The following PTPRN2 variants were observed in gnomAD, a reference collection of about 807,000 sequenced individuals.
The protein encoded by PTPRN2 is protein tyrosine phosphatase receptor type N2.
In PTPRN2, 74 loss-of-function variants were observed where a neutral mutation model predicts 118.8. The ratio of observed to expected loss-of-function variants is 0.62; its 90% CI spans 0.52 to 0.76. PTPRN2 has a LOEUF of 0.76. Among genes scored for constraint, PTPRN2 ranks in the 30% least tolerant of loss-of-function variants. The pLI, the probability that PTPRN2 is intolerant of heterozygous loss-of-function variation, is 0.00. For synonymous variants in PTPRN2, 641 were observed against 608.0 expected, an observed-to-expected ratio of 1.05 and a Z score of -0.80; for missense variants, 1,481 against 1,394.4, an observed-to-expected ratio of 1.06 and a Z score of -0.99.
At chr7:158,478,851 A>G (rs1205073554) in intron 2 of PTPRN2, among the ~76,000 whole-genome samples, 1 of 152,226 alleles carries the variant, frequency 6.6e-6, no homozygotes, top group Non-Finnish European at 1.5e-5. Context: ...ACAGTCCAAG[A>G]AAAAGACAAA....
At chr7:158,134,591 AG>A (rs1475857917) in intron 8 of PTPRN2, among the ~76,000 whole-genome samples, 2 of 152,130 alleles carry the variant, frequency 1.3e-5, no homozygotes, top group Non-Finnish European at 2.9e-5. Context: ...AGTTCACAGA[AG>A]GGGAGACGGA....
chr7:158,228,452 A>T (rs961265505), intron 3 of PTPRN2, among the ~76,000 whole-genome samples: 4 of 152,134 alleles, frequency 2.6e-5, no homozygotes, highest in Admixed American at 2.6e-4. Flanking sequence ...GATACATTTC[A>T]TATTCCACTA....
At chr7:157,816,871 C>T (rs1336151457) in intron 12 of PTPRN2, among the ~76,000 whole-genome samples, 1 of 152,240 alleles carries the variant, frequency 6.6e-6, no homozygotes, top group Admixed American at 6.5e-5. Context: ...CTTTCTCCTC[C>T]TCTTTTCTCT....
chr7:158,329,687 A>C (rs1803980655), intron 2 of PTPRN2, among the ~76,000 whole-genome samples: 1 of 152,196 alleles, frequency 6.6e-6, no homozygotes, highest in Non-Finnish European at 1.5e-5. Context: ...TTCATGGACT[A>C]AGACACTGCG....
At position 157,929,745 on chromosome 7, in the gene PTPRN2, G is replaced by A. The variant is rs1486090049; in HGVS notation, c.1724-31008C>T. Reference sequence around the variant, plus strand: ...TCACAGGGGTGAGGAGCTCTGTGCTGCTGTTGAGATGAATGGTGCCAGAAG... The same window carrying A: ...TCACAGGGGTGAGGAGCTCTGTGCTACTGTTGAGATGAATGGTGCCAGAAG... On this transcript the variant is annotated intron_variant, in intron 11 of 22. Coordinates refer to ENST00000389418, the MANE Select transcript of PTPRN2 (RefSeq NM_002847.5). This position sits in a 1 kb window ranked among gnomAD's most constrained non-coding sequence, Gnocchi z 4.4. 1.3e-5 allele frequency among the ~76,000 whole-genome samples: 2 copies of A among 152,184 alleles called. No homozygotes were observed. The highest frequency in any genetic ancestry group is 1.9e-4 in the East Asian group (1 of 5,184).
At chr7:158,161,724 T>G in intron 6 of PTPRN2, among the ~76,000 whole-genome samples, 1 of 152,116 alleles carries the variant, frequency 6.6e-6, no homozygotes, top group East Asian at 1.9e-4. Flanking sequence ...ATAAAATAAT[T>G]GGTAAGCTGG....
At chr7:157,762,470 C>T (rs1315140064) in intron 12 of PTPRN2, among the ~76,000 whole-genome samples, 1 of 151,774 alleles carries the variant, frequency 6.6e-6, no homozygotes, top group East Asian at 1.9e-4. Flanking sequence ...TGGAAATCAT[C>T]ATTCTCAGTA....
chr7:158,521,613 A>G (rs796486114), intron 1 of PTPRN2, among the ~76,000 whole-genome samples: 6,229 of 44,588 alleles, frequency 0.14, 1,111 homozygotes, highest in Middle Eastern at 0.23. Context: ...CTGTCCAGGT[A>G]GTGGCTCAGG....
Position 157,833,561 on chromosome 7 carries a change from C to T in PTPRN2, c.1788+65112G>A, listed in dbSNP as rs147393773. Reference sequence around the variant, plus strand: ...AATTTGTCCAGGAGCGAGATGTGGCCGGTGCCCATCTATCCCATATGATTG... The same window carrying T: ...AATTTGTCCAGGAGCGAGATGTGGCTGGTGCCCATCTATCCCATATGATTG... On this transcript the variant is annotated intron_variant, in intron 12 of 22. Coordinates refer to ENST00000389418, the MANE Select transcript of PTPRN2 (RefSeq NM_002847.5). 2.4e-3 allele frequency among the ~76,000 whole-genome samples: 352 copies of T among 147,328 alleles called. 1 individual carries two copies. The highest frequency in any genetic ancestry group is 8.0e-3 in the African/African-American group (317 of 39,528).
intron 1 of PTPRN2, among the ~76,000 whole-genome samples, chr7:158,552,747 C>A (rs932540014): frequency 6.6e-6 from 1 of 152,150 alleles, no homozygotes; most frequent in Non-Finnish European, 1.5e-5. Flanking sequence ...GTGCATGGCC[C>A]GATACTTTCA....
chr7:158,137,819 C>A (rs1406212983), intron 7 of PTPRN2, among the ~76,000 whole-genome samples: 1 of 152,190 alleles, frequency 6.6e-6, no homozygotes, highest in Non-Finnish European at 1.5e-5. Flanking sequence ...CTGCAGAAGT[C>A]CTGGCTGACC....
intron 2 of PTPRN2, among the ~76,000 whole-genome samples, chr7:158,439,309 G>A (rs1489442591): frequency 6.6e-6 from 1 of 152,194 alleles, no homozygotes; most frequent in African/African-American, 2.4e-5. Flanking sequence ...AGGACTTCCT[G>A]AGGCTGTATC....
intron 3 of PTPRN2, among the ~76,000 whole-genome samples, chr7:158,313,112 G>A (rs140798510): frequency 7.4e-4 from 112 of 152,208 alleles, no homozygotes; most frequent in Middle Eastern, 6.8e-3. Context: ...GTGCAAGTGT[G>A]TGTGCAAATG....
chr7:158,200,361 C>G (rs1156951321), intron 4 of PTPRN2, among the ~76,000 whole-genome samples: 1 of 152,196 alleles, frequency 6.6e-6, no homozygotes, highest in Non-Finnish European at 1.5e-5. Flanking sequence ...TAATGATGGA[C>G]GCCGAGGACG....
intron 12 of PTPRN2, among the ~76,000 whole-genome samples, chr7:157,798,214 G>A (rs1455793376): frequency 5.3e-5 from 8 of 152,136 alleles, no homozygotes; most frequent in African/African-American, 1.9e-4. Context: ...AGCTGAGATC[G>A]TGCCACTGCA....
intron 2 of PTPRN2, among the ~76,000 whole-genome samples, chr7:158,412,603 TCCAGTGCCCTCCTCAGCACCAGGGCCCAC>T (rs1814228274): frequency 1.1e-5 from 1 of 92,258 alleles, no homozygotes; most frequent in Non-Finnish European, 2.1e-5. Context: ...CCAGGGCCCA[TCCAGTGCCCTCCTCAGCACCAGGGCCCAC>T]CTCAGCACCC....
At chr7:157,568,572 G>A (rs977720273) in intron 21 of PTPRN2, among the ~76,000 whole-genome samples, 5 of 152,194 alleles carry the variant, frequency 3.3e-5, no homozygotes, top group Admixed American at 6.5e-5. Flanking sequence ...TGGCTCTGAG[G>A]TTAACGCTGC....
rs184743653 is a variant in PTPRN2 at position 157,598,710 on chromosome 7, A to G, written c.2419-3395T>C. Among the ~76,000 whole-genome samples the G allele has an allele frequency of 3.1e-3, 467 of 152,366 alleles. 6 individuals carry two copies. The highest frequency in any genetic ancestry group is 0.01 in the African/African-American group (436 of 41,598). On this transcript the variant is annotated intron_variant, in intron 16 of 22. Coordinates refer to ENST00000389418, the MANE Select transcript of PTPRN2 (RefSeq NM_002847.5). The surrounding 1 kb of genome is among the most constrained non-coding windows in gnomAD (Gnocchi z 5.2). Reference sequence around the variant, plus strand: ...TTTATTAGGTGAACGCCAAGCTGTCAGGCGGTCTGCGGCCCGTGAACACGC... The same window carrying G: ...TTTATTAGGTGAACGCCAAGCTGTCGGGCGGTCTGCGGCCCGTGAACACGC...
chr7:158,428,299 G>T (rs1815900381), intron 2 of PTPRN2, among the ~76,000 whole-genome samples: 1 of 152,094 alleles, frequency 6.6e-6, no homozygotes, highest in South Asian at 2.1e-4. Context: ...GACTCGCAGC[G>T]CATCCAAGAC....
Sources: gnomAD v4.1 joint callset for allele counts (sites outside exome capture counted in the v4.1 genomes callset) on GRCh38, gnomAD v4.1.1 for gene constraint, Gnocchi (gnomAD v3.1) non-coding constraint, MANE v1.5 for transcripts, NCBI Gene and HGNC (gene_info 2026-07-23, HGNC 2026-07-21) for gene names.